Variants in MIA2 observed in about 807,000 individuals in gnomAD.
MIA2 encodes melanoma inhibitory activity protein 2.
Under a neutral mutation model 167.8 loss-of-function variants are expected in MIA2, and 127 were observed. That is an observed-to-expected ratio of 0.76 (90% CI 0.66 to 0.88). The LOEUF (loss-of-function observed/expected upper bound fraction) is 0.88, where lower values mean the gene tolerates loss of function less well. Ranked by LOEUF, MIA2 falls within the 40% of genes least tolerant of loss-of-function variation. MIA2 has a pLI of 0.00. For synonymous variants in MIA2, 552 were observed against 541.9 expected (o/e 1.02, Z -0.26); for missense variants, 1,690 against 1,624.7 (o/e 1.04, Z -0.69).
chr14:39,372,129 A>C (rs1261758905), intron 23 of MIA2, among the ~76,000 whole-genome samples: 2 of 151,936 alleles, frequency 1.3e-5, no homozygotes, highest in East Asian at 3.8e-4. Flanking sequence ...ATGTGGAATA[A>C]ATTTCTTATA....
chr14:39,249,926 G>C (rs999976575), intron 4 of MIA2, among the ~76,000 whole-genome samples: 4 of 152,118 alleles, frequency 2.6e-5, no homozygotes, highest in Admixed American at 2.0e-4. Flanking sequence ...TAAAATGTGA[G>C]CTCTCTACTC....
intron 9 of MIA2, among the ~76,000 whole-genome samples, chr14:39,281,663 C>CTGGAG (rs1396749556): frequency 6.7e-6 from 1 of 148,240 alleles, no homozygotes; most frequent in Non-Finnish European, 1.5e-5. Context: ...GTTGCCCAGG[C>CTGGAG]TGGAGTGGAG....
At chr14:39,261,975 G>T (rs1392312567) in intron 6 of MIA2, among the ~76,000 whole-genome samples, 2 of 152,126 alleles carry the variant, frequency 1.3e-5, no homozygotes, top group African/African-American at 4.8e-5. Context: ...CTTTTGCTGT[G>T]CAGAAGCTCT....
intron 3 of MIA2, among the ~76,000 whole-genome samples, chr14:39,242,218 TA>T (rs530463056): frequency 6.6e-6 from 1 of 152,230 alleles, no homozygotes; most frequent in East Asian, 1.9e-4. Context: ...GTTTGAAAAT[TA>T]AAAATAAAAA....
At chr14:39,367,433 G>A (rs73279368) in intron 23 of MIA2, among the ~76,000 whole-genome samples, 5 of 152,248 alleles carry the variant, frequency 3.3e-5, no homozygotes, top group South Asian at 2.1e-4. Context: ...TGTGGTACTC[G>A]GCATGAGCTC....
intron 26 of MIA2, 29 bp from the exon 27 acceptor site, chr14:39,347,684 A>G (rs1435686867): frequency 1.4e-5 from 23 of 1,606,842 alleles, no homozygotes; most frequent in Non-Finnish European, 1.7e-5. Context: ...TAAATCATGT[A>G]CTTTTCATGG....
At chr14:39,261,841 AT>A (rs2055133447) in intron 6 of MIA2, among the ~76,000 whole-genome samples, 1 of 151,598 alleles carries the variant, frequency 6.6e-6, no homozygotes, top group Admixed American at 6.6e-5. Flanking sequence ...GGGGTTGTTT[AT>A]TTTTTTCTTG....
intron 6 of MIA2, chr14:39,266,202 A>C (rs186117861): frequency 3.0e-6 from 3 of 985,226 alleles, no homozygotes; most frequent in Admixed American, 6.2e-5. Context: ...TTGCTTCACC[A>C]AAGTACTTGA....
chr14:39,345,818 C>T, intron 25 of MIA2, 86 bp from the exon 26 acceptor site: 2 of 1,160,474 alleles, frequency 1.7e-6, no homozygotes, highest in South Asian at 1.6e-5. Flanking sequence ...GAATACAGGT[C>T]AAAAGTGTAA....
At chr14:39,332,715 C>T (rs1420582137) in intron 25 of MIA2, among the ~76,000 whole-genome samples, 1 of 151,996 alleles carries the variant, frequency 6.6e-6, no homozygotes, top group Non-Finnish European at 1.5e-5. Flanking sequence ...GAGGTGACGC[C>T]CACCCTGCTT....
At chr14:39,380,691 C>CAAAAAAAAA (rs145179098) in intron 23 of MIA2, among the ~76,000 whole-genome samples, 1 of 85,050 alleles carries the variant, frequency 1.2e-5, no homozygotes, top group Non-Finnish European at 2.3e-5. Context: ...GACTCAGACT[C>CAAAAAAAAA]AAAAAAAAAA....
intron 25 of MIA2, among the ~76,000 whole-genome samples, chr14:39,336,979 C>T (rs1350300218): frequency 1.3e-5 from 2 of 152,134 alleles, no homozygotes; most frequent in Non-Finnish European, 2.9e-5. Context: ...TGGTGTCAAA[C>T]TCTTGGCCTC....
In MIA2 at chr14:39,314,808, A is replaced by ATGTGTGTGTGTGTGTG. The variant is rs554677567; in HGVS notation, c.3180+10_3180+11insGTGTGTGTGTGTGTGT. Reference sequence around the variant, plus strand: ...ATTCTTATCAAGGGCAGGTATATATATATGTGTGTGTGTGTGTGTGTGTGT... The same window carrying ATGTGTGTGTGTGTGTG: ...ATTCTTATCAAGGGCAGGTATATATATGTGTGTGTGTGTGTGTATGTGTGTGTGTGTGTGTGTGTGT... On this transcript the variant is annotated intron_variant, in intron 20 of 28. Transcript: ENST00000640607. 7,257 of 1,089,230 alleles carry ATGTGTGTGTGTGTGTG rather than the reference A, an allele frequency of 6.7e-3. 52 individuals carry two copies. The highest frequency in any genetic ancestry group is 7.2e-3 in the Non-Finnish European group (5,506 of 762,792). The allele number at this position is 1,089,230 out of a possible 1,614,324, so 67.5% of individuals were successfully genotyped here.
chr14:39,315,359 A>G (rs1229438072), intron 20 of MIA2: 1 of 207,036 alleles, frequency 4.8e-6, no homozygotes, highest in South Asian at 1.6e-4. Context: ...TGCTTTGGGA[A>G]GGTAGATTGC....
chr14:39,258,316 C>T (rs187471837), intron 6 of MIA2, among the ~76,000 whole-genome samples: 234 of 152,220 alleles, frequency 1.5e-3, no homozygotes, highest in Admixed American at 4.1e-3. Context: ...CTTGTCTTCA[C>T]GCCTTATTTT....
At chr14:39,319,125 G>A in intron 22 of MIA2, 84 bp from the exon 23 acceptor site, 2 of 621,408 alleles carry the variant, frequency 3.2e-6, no homozygotes, top group Non-Finnish European at 5.6e-6. Context: ...ATAGTGAAGA[G>A]CAGCTTGTAG....
intron 4 of MIA2, among the ~76,000 whole-genome samples, chr14:39,251,454 T>C (rs1481473311): frequency 2.0e-5 from 3 of 152,050 alleles, no homozygotes; most frequent in Admixed American, 6.6e-5. Flanking sequence ...TCTAAAAATA[T>C]AATTAAATAT....
At chr14:39,296,527 C>T (rs888255534) in intron 13 of MIA2, among the ~76,000 whole-genome samples, 13 of 151,520 alleles carry the variant, frequency 8.6e-5, no homozygotes, top group South Asian at 2.1e-4. Context: ...GTGATCCACC[C>T]GCCTCGGCCT....
rs116490260 is a variant in MIA2 at position 39,275,607 on chromosome 14, A to G, written c.1888-1327A>G. 6.9e-3 allele frequency among the ~76,000 whole-genome samples: 1,057 copies of G among 152,288 alleles called. 8 individuals are homozygous for G. Among genetic ancestry groups the G allele is most frequent in the African/African-American group, 0.019 (803 of 41,566 alleles). ...TGTCATAGGTCATATTGATTACACA[A>G]TTTTTGAGTTAGTGTGCGTCTTATG... On this transcript the variant is annotated intron_variant, in intron 6 of 28. Coordinates refer to ENST00000640607, the MANE Select transcript of MIA2 (RefSeq NM_001329214.4).
Sources: allele counts gnomAD v4.1 joint callset (sites outside exome capture counted in the v4.1 genomes callset), GRCh38; gene constraint gnomAD v4.1.1; transcripts MANE v1.5; gene names NCBI Gene and HGNC (gene_info 2026-07-23, HGNC 2026-07-21).